The following PRKCE variants were observed in gnomAD, a reference collection of about 807,000 sequenced individuals.
PRKCE encodes the protein protein kinase C epsilon type.
A neutral mutation model predicts 85.4 loss-of-function variants in PRKCE; 16 were observed. The observed-to-expected ratio is 0.19, with a 90% CI of 0.13 to 0.28. The LOEUF (loss-of-function observed/expected upper bound fraction) is 0.28. Among genes scored for constraint, PRKCE ranks in the 10% least tolerant of loss-of-function variants. The pLI, the probability that PRKCE is intolerant of heterozygous loss-of-function variation, is 1.00. For synonymous variants in PRKCE, 388 were observed against 371.5 expected, an observed-to-expected ratio of 1.04 and a Z score of -0.51; for missense variants, 573 against 975.2, an observed-to-expected ratio of 0.59 and a Z score of 5.49.
At chr2:45,822,518 C>A (rs1309681723) in intron 1 of PRKCE, among the ~76,000 whole-genome samples, 1 of 152,226 alleles carries the variant, frequency 6.6e-6, no homozygotes, top group Non-Finnish European at 1.5e-5. Flanking sequence ...AGGGTAACTG[C>A]CAGCCATCCC....
chr2:46,110,641 G>T (rs111645389), intron 11 of PRKCE, among the ~76,000 whole-genome samples: 2 of 150,670 alleles, frequency 1.3e-5, no homozygotes, highest in African/African-American at 2.4e-5. Context: ...TTTTTAAAGC[G>T]GCTTTTGGTT....
intron 14 of PRKCE, among the ~76,000 whole-genome samples, chr2:46,168,243 C>G (rs1265050276): frequency 6.6e-6 from 1 of 152,244 alleles, no homozygotes; most frequent in East Asian, 1.9e-4. Context: ...TATATGCCTT[C>G]CTGGGTTCAT....
At chr2:45,802,398 T>C (rs988677191) in intron 1 of PRKCE, among the ~76,000 whole-genome samples, 5 of 152,198 alleles carry the variant, frequency 3.3e-5, no homozygotes, top group Admixed American at 2.0e-4. Flanking sequence ...TGGTCCCTTT[T>C]TTTTCTTTAT....
intron 1 of PRKCE, among the ~76,000 whole-genome samples, chr2:45,760,599 G>T (rs552493901): frequency 5.9e-5 from 9 of 152,312 alleles, no homozygotes; most frequent in African/African-American, 1.9e-4. Flanking sequence ...GGCTAAGCTG[G>T]CAAGGTCCAG....
chr2:45,804,359 C>G (rs990363394), intron 1 of PRKCE, among the ~76,000 whole-genome samples: 1 of 152,136 alleles, frequency 6.6e-6, no homozygotes, highest in Non-Finnish European at 1.5e-5. Context: ...AGGCCCCACC[C>G]CATCCCTACC....
chr2:45,874,235 G>A (rs540958753), intron 2 of PRKCE, among the ~76,000 whole-genome samples: 1 of 152,318 alleles, frequency 6.6e-6, no homozygotes, highest in Admixed American at 6.5e-5. Context: ...TTTTCTCCTG[G>A]TTCCTCCCTT....
At chr2:46,118,519 A>G (rs1401760441) in intron 11 of PRKCE, among the ~76,000 whole-genome samples, 1 of 152,246 alleles carries the variant, frequency 6.6e-6, no homozygotes, top group Non-Finnish European at 1.5e-5. Flanking sequence ...CAAAAAATGC[A>G]GACACAATAT....
rs549565783 is a variant in PRKCE at position 46,116,336 on chromosome 2, G to A, written c.1593-28757G>A. On this transcript the variant is annotated intron_variant, in intron 11 of 14. Coordinates refer to ENST00000306156, the MANE Select transcript of PRKCE (RefSeq NM_005400.3). ...CAGTGTGCACAGATGGGCATGAGCT[G>A]CCTTGACACTGCAATATACAGGATT... 3.3e-5 allele frequency among the ~76,000 whole-genome samples: 5 copies of A among 152,202 alleles called. No homozygotes were observed. In the South Asian group the frequency reaches 6.2e-4, roughly 19 times the overall value.
At chr2:45,980,608 C>T (rs781386186) in intron 5 of PRKCE, among the ~76,000 whole-genome samples, 8 of 152,236 alleles carry the variant, frequency 5.3e-5, no homozygotes, top group Non-Finnish European at 7.3e-5. Context: ...ATGCCAAGTG[C>T]AGTGTGATCC....
At chr2:46,164,343 C>G (rs904332797) in intron 14 of PRKCE, among the ~76,000 whole-genome samples, 2 of 152,254 alleles carry the variant, frequency 1.3e-5, no homozygotes. Flanking sequence ...AGACATTGGG[C>G]GTGTGTTTAA....
chr2:46,051,543 G>A (rs113721888), intron 10 of PRKCE, among the ~76,000 whole-genome samples: 5 of 152,292 alleles, frequency 3.3e-5, no homozygotes, highest in African/African-American at 1.2e-4. Context: ...TCTCCTTTGG[G>A]GAACCTGGAA....
chr2:45,718,427 C>T (rs1018076050), intron 1 of PRKCE, among the ~76,000 whole-genome samples: 1 of 149,178 alleles, frequency 6.7e-6, no homozygotes, highest in Non-Finnish European at 1.5e-5. Context: ...TCACTGCAAT[C>T]TCCACCTCCC....
rs1675970132 is a variant in PRKCE at position 46,145,383 on chromosome 2, A to C, written c.1731+152A>C. 9.3e-7 allele frequency: 1 copy of C among 1,075,688 alleles called. No individual in the cohort carries two copies. Among genetic ancestry groups the C allele is most frequent in the Admixed American group, 2.5e-5 (1 of 40,660 alleles). The allele number at this position is 1,075,688 out of a possible 1,614,324, so 66.6% of individuals were successfully genotyped here. A position where few individuals can be genotyped will look rare whatever the true frequency, so the allele number is the denominator to read the frequency against. On this transcript the variant is annotated intron_variant, in intron 12 of 14. Transcript: ENST00000306156. The surrounding 1 kb of genome is among the most constrained non-coding windows in gnomAD (Gnocchi z 4.6). ...AAGGAGGGAGAAAAGGAAAGGAAAA[A>C]AGTTTGCTGATTGATGTCTGTCAAG...
intron 2 of PRKCE, among the ~76,000 whole-genome samples, chr2:45,928,801 C>T (rs1023206630): frequency 6.6e-6 from 1 of 152,034 alleles, no homozygotes; most frequent in African/African-American, 2.4e-5. Context: ...GAAAGGTCCG[C>T]AGCTCATGCA....
At chr2:45,849,386 A>G (rs1692060731) in intron 2 of PRKCE, among the ~76,000 whole-genome samples, 1 of 152,114 alleles carries the variant, frequency 6.6e-6, no homozygotes, top group African/African-American at 2.4e-5. Context: ...TAGCAACCTC[A>G]TAGAGTCCCA....
chr2:46,182,793 C>T (rs1406548563), intron 14 of PRKCE, among the ~76,000 whole-genome samples: 1 of 152,246 alleles, frequency 6.6e-6, no homozygotes, highest in African/African-American at 2.4e-5. Flanking sequence ...CTGTCTCCAC[C>T]CATGCTTGCC....
intron 11 of PRKCE, among the ~76,000 whole-genome samples, chr2:46,122,989 A>G (rs1165851734): frequency 7.0e-6 from 1 of 143,806 alleles, no homozygotes; most frequent in Non-Finnish European, 1.5e-5. Context: ...AAACTGAGTT[A>G]TTTCCTCCCT....
At chr2:45,924,197 C>T (rs1480680944) in intron 2 of PRKCE, among the ~76,000 whole-genome samples, 3 of 152,150 alleles carry the variant, frequency 2.0e-5, no homozygotes, top group South Asian at 2.1e-4. Flanking sequence ...ATTGGCTGTT[C>T]GTTCCTGTCC....
intron 1 of PRKCE, among the ~76,000 whole-genome samples, chr2:45,719,970 A>T (rs6728564): frequency 6.6e-6 from 1 of 151,938 alleles, no homozygotes; most frequent in Non-Finnish European, 1.5e-5. Flanking sequence ...CAATAGCAAC[A>T]GAGCTCTCAG....
Sources: allele counts gnomAD v4.1 joint callset (sites outside exome capture counted in the v4.1 genomes callset), GRCh38; gene constraint gnomAD v4.1.1; non-coding constraint Gnocchi (gnomAD v3.1); transcripts MANE v1.5; gene names NCBI Gene and HGNC (gene_info 2026-07-23, HGNC 2026-07-21).